Variants in IFT57 observed in about 807,000 individuals in gnomAD.
IFT57 encodes intraflagellar transport 57.
Under a neutral mutation model 56.8 loss-of-function variants are expected in IFT57, and 59 were observed. That is an observed-to-expected ratio of 1.04 (90% CI 0.84 to 1.29). The LOEUF is 1.29. IFT57 is among the 50% of genes most tolerant of loss of function. The pLI, the probability that IFT57 is intolerant of heterozygous loss-of-function variation, is 0.00. For synonymous variants in IFT57, 209 were observed against 186.1 expected (o/e 1.12, Z -1.00); for missense variants, 470 against 522.1 (o/e 0.90, Z 0.97).
chr3:108,222,048 C>A (rs1034312728), intron 1 of IFT57, 63 bp downstream of exon 1: 4 of 1,549,004 alleles, frequency 2.6e-6, no homozygotes, highest in Non-Finnish European at 3.5e-6. Flanking sequence ...CCCAGCAGGA[C>A]CAAGGAGGGC....
intron 5 of IFT57, among the ~76,000 whole-genome samples, chr3:108,198,243 A>G (rs868704881): frequency 2.3e-4 from 35 of 152,212 alleles, no homozygotes; most frequent in African/African-American, 8.4e-4. Flanking sequence ...CACATAGGCT[A>G]TAATTATTTT....
chr3:108,179,535 T>C (rs998603048), intron 6 of IFT57, among the ~76,000 whole-genome samples: 3 of 152,028 alleles, frequency 2.0e-5, no homozygotes, highest in Non-Finnish European at 4.4e-5. Context: ...CTGTATTCTC[T>C]TTTTGCCACT....
chr3:108,187,207 T>C (rs985561782), intron 6 of IFT57, among the ~76,000 whole-genome samples: 1 of 152,230 alleles, frequency 6.6e-6, no homozygotes, highest in Non-Finnish European at 1.5e-5. Flanking sequence ...CTGTGAAGCA[T>C]ATTATTTGTA....
At chr3:108,172,084 G>A (rs1238009807) in intron 6 of IFT57, among the ~76,000 whole-genome samples, 4 of 151,688 alleles carry the variant, frequency 2.6e-5, no homozygotes, top group South Asian at 2.1e-4. Flanking sequence ...AAAACATTTC[G>A]AGAGAAGCAA....
At chr3:108,199,930 G>A (rs766022161) in intron 5 of IFT57, among the ~76,000 whole-genome samples, 37 of 152,130 alleles carry the variant, frequency 2.4e-4, no homozygotes, top group Non-Finnish European at 7.4e-5. Flanking sequence ...AGAGACAATA[G>A]GAAAGAGAAG....
chr3:108,168,317 TAATA>T (rs2080073981), intron 6 of IFT57, among the ~76,000 whole-genome samples: 1 of 151,900 alleles, frequency 6.6e-6, no homozygotes, highest in Non-Finnish European at 1.5e-5. Context: ...GTCCCTTTCT[TAATA>T]AAGGAAGTTT....
At chr3:108,214,231 T>C (rs2080358623) in intron 3 of IFT57, among the ~76,000 whole-genome samples, 1 of 152,142 alleles carries the variant, frequency 6.6e-6, no homozygotes, top group South Asian at 2.1e-4. Flanking sequence ...AATGAGATGA[T>C]ACTATGCATG....
chr3:108,179,516 G>T (rs988343953), intron 6 of IFT57, among the ~76,000 whole-genome samples: 10 of 151,896 alleles, frequency 6.6e-5, no homozygotes, highest in African/African-American at 2.2e-4. Context: ...CCTAATAAAA[G>T]AACATTATCT....
At chr3:108,163,640 C>T (rs769253342) in intron 10 of IFT57, 23 bp downstream of exon 10, 26 of 1,557,718 alleles carry the variant, frequency 1.7e-5, no homozygotes, top group Admixed American at 1.7e-5. Context: ...TCAGTTTTTC[C>T]CCTAAAATGA....
rs199652755 is a variant in IFT57, at chr3:108,217,671, AAT to A, written c.494+862_494+863del. 3.6e-3 allele frequency among the ~76,000 whole-genome samples: 547 copies of A among 151,314 alleles called. 2 individuals carry two copies. The highest frequency in any genetic ancestry group is 7.1e-3 in the South Asian group (34 of 4,800). On this transcript the variant is annotated intron_variant, in intron 3 of 10. Transcript: ENST00000264538. ...CATTAAAATGTTATTAACAGGGAAT[AAT>A]ATATATATATGTGTGTGTGTGTATA... is the stretch of plus-strand genomic sequence containing the variant.
intron 6 of IFT57, among the ~76,000 whole-genome samples, chr3:108,173,533 C>G (rs1467586428): frequency 6.6e-6 from 1 of 151,832 alleles, no homozygotes; most frequent in Non-Finnish European, 1.5e-5. Flanking sequence ...AGCTTACCTT[C>G]AATGTGCTTG....
chr3:108,163,674 A>G lies in IFT57; in HGVS notation c.1100T>C (p.Met367Thr), dbSNP rs767226150. 2 of 1,610,620 alleles carry G rather than the reference A, an allele frequency of 1.2e-6. No homozygotes were observed. The highest frequency in any genetic ancestry group is 3.3e-5 in the Admixed American group (2 of 59,900). Residue 367 changes from methionine (M) to threonine (T), a missense_variant, in exon 10 of 11, where the codon ATG (methionine) becomes ACG (threonine). Physicochemically the swap from Met to Thr is moderately conservative, Grantham distance 81. Transcript: ENST00000264538. ...KQEMEEKGSS[M>T]TDGAPLVKIK... Reference sequence around the variant, plus strand: ...GAGCATGTACTTACCACCATCAGTCATGCTGCTGCCCTTTTCTTCCATTTC... The same window carrying G: ...GAGCATGTACTTACCACCATCAGTCGTGCTGCTGCCCTTTTCTTCCATTTC...
chr3:108,195,922 C>T lies in IFT57; in HGVS notation c.655-4279G>A, dbSNP rs183728811. Among the ~76,000 whole-genome samples, 146 of 152,014 alleles carry T rather than the reference C, an allele frequency of 9.6e-4. 1 individual carries two copies. The highest frequency in any genetic ancestry group is 3.5e-3 in the African/African-American group (144 of 41,462). Reference sequence around the variant, plus strand: ...TATAGAAAAAATAAGACCTAGTGTTCGGTAGCACAATAGGGCAACTATAAT... The same window carrying T: ...TATAGAAAAAATAAGACCTAGTGTTTGGTAGCACAATAGGGCAACTATAAT... On this transcript the variant is annotated intron_variant, in intron 5 of 10. Coordinates refer to ENST00000264538, the MANE Select transcript of IFT57 (RefSeq NM_018010.4).
At chr3:108,217,930 G>A (rs1050259032) in intron 3 of IFT57, among the ~76,000 whole-genome samples, 15 of 151,736 alleles carry the variant, frequency 9.9e-5, no homozygotes, top group Non-Finnish European at 1.9e-4. Context: ...TATGCTAACA[G>A]AGTACTTGTG....
chr3:108,191,978 A>G (rs978802981), intron 5 of IFT57, among the ~76,000 whole-genome samples: 1 of 152,112 alleles, frequency 6.6e-6, no homozygotes, highest in Non-Finnish European at 1.5e-5. Context: ...ACAGTAGAGA[A>G]GATGTTTGGT....
chr3:108,173,997 A>AATAT (rs59994463), intron 6 of IFT57, among the ~76,000 whole-genome samples: 2 of 100,720 alleles, frequency 2.0e-5, no homozygotes, highest in South Asian at 3.2e-4. Context: ...CATATATTTG[A>AATAT]GTGTGTGTGT....
At chr3:108,206,487 T>C (rs2080314606) in intron 5 of IFT57, 141 bp downstream of exon 5, 1 of 341,230 alleles carries the variant, frequency 2.9e-6, no homozygotes, top group Non-Finnish European at 5.4e-6. Context: ...TAACATTTTA[T>C]ATATAGGAAA....
chr3:108,172,130 G>GCAAAAGAA (rs1372611914), intron 6 of IFT57, among the ~76,000 whole-genome samples: 1 of 151,858 alleles, frequency 6.6e-6, no homozygotes, highest in Non-Finnish European at 1.5e-5. Context: ...CTACGATAGT[G>GCAAAAGAA]TACACTGATG....
chr3:108,166,115 T>A (rs915633312), intron 8 of IFT57, among the ~76,000 whole-genome samples: 3 of 149,980 alleles, frequency 2.0e-5, no homozygotes, highest in Non-Finnish European at 3.0e-5. Flanking sequence ...CTTTGAGGAC[T>A]TCTGAAAGTA....
Sources: gnomAD v4.1 joint callset for allele counts (sites outside exome capture counted in the v4.1 genomes callset) on GRCh38, gnomAD v4.1.1 for gene constraint, MANE v1.5 for transcripts, NCBI Gene and HGNC (gene_info 2026-07-23, HGNC 2026-07-21) for gene names.